The following HS2ST1 variants were observed in gnomAD, a reference collection of about 807,000 sequenced individuals.
HS2ST1 encodes 2-O-sulfotransferase.
HS2ST1 carries 18 observed loss-of-function variants against 42.9 expected under a neutral mutation model. The observed-to-expected ratio is 0.42, with a 90% CI of 0.29 to 0.62. HS2ST1 has a LOEUF of 0.62. HS2ST1 is among the 20% of genes least tolerant of loss of function. HS2ST1 has a pLI of 0.21. For synonymous variants in HS2ST1, 146 were observed against 152.9 expected, an observed-to-expected ratio of 0.95 and a Z score of 0.33; for missense variants, 334 against 433.8, an observed-to-expected ratio of 0.77 and a Z score of 2.04.
At chr1:86,984,604 G>T (rs1648700967) in intron 1 of HS2ST1, among the ~76,000 whole-genome samples, 1 of 152,156 alleles carries the variant, frequency 6.6e-6, no homozygotes, top group Non-Finnish European at 1.5e-5. Context: ...GAAATGTAAG[G>T]CTGGATGCAG....
intron 1 of HS2ST1, among the ~76,000 whole-genome samples, chr1:87,064,237 T>G (rs952599000): frequency 6.6e-6 from 1 of 152,226 alleles, no homozygotes; most frequent in Non-Finnish European, 1.5e-5. Context: ...TACCTGTTTC[T>G]AGATTGCCAG....
chr1:87,090,571 AAG>A (rs1416640946), intron 3 of HS2ST1, among the ~76,000 whole-genome samples: 1 of 151,992 alleles, frequency 6.6e-6, no homozygotes, highest in Non-Finnish European at 1.5e-5. Context: ...AGTCATCAGG[AAG>A]AGAGGTCACA....
At chr1:87,044,640 C>G (rs925454758) in intron 1 of HS2ST1, among the ~76,000 whole-genome samples, 1 of 152,060 alleles carries the variant, frequency 6.6e-6, no homozygotes, top group Admixed American at 6.6e-5. Flanking sequence ...TTAATGATAC[C>G]TAAGGGTATT....
chr1:87,094,345 A>T (rs765430698), intron 4 of HS2ST1, among the ~76,000 whole-genome samples: 7 of 152,048 alleles, frequency 4.6e-5, no homozygotes, highest in Non-Finnish European at 1.0e-4. Context: ...AACTAATAAT[A>T]ATTATTAACA....
At chr1:87,052,636 G>A (rs1413708767) in intron 1 of HS2ST1, among the ~76,000 whole-genome samples, 2 of 152,142 alleles carry the variant, frequency 1.3e-5, no homozygotes, top group African/African-American at 4.8e-5. Flanking sequence ...GGTTGGTGGC[G>A]AGCAGTGAGG....
intron 1 of HS2ST1, among the ~76,000 whole-genome samples, chr1:86,917,436 T>G (rs2102149134): frequency 6.6e-6 from 1 of 152,020 alleles, no homozygotes; most frequent in Non-Finnish European, 1.5e-5. Context: ...TGAGAACCGC[T>G]TGAACCTGGG....
chr1:86,974,428 C>G (rs1339695676), intron 1 of HS2ST1, among the ~76,000 whole-genome samples: 1 of 152,176 alleles, frequency 6.6e-6, no homozygotes, highest in Non-Finnish European at 1.5e-5. Flanking sequence ...TTGGCTGTTT[C>G]TGAGTTGCAT....
rs1165649965 is a variant in HS2ST1 at position 87,106,051 on chromosome 1, T to G, written c.*1355T>G. The G allele has an allele frequency of 6.6e-6, 1 of 152,472 alleles. No homozygotes were observed. The highest frequency in any genetic ancestry group is 1.5e-5 in the Non-Finnish European group (1 of 67,942). 9.4% of individuals were successfully genotyped at this position (152,472 alleles called of 1,614,324 possible). On this transcript the variant is annotated 3_prime_UTR_variant, in exon 7 of 7. Coordinates refer to ENST00000370550, the MANE Select transcript of HS2ST1 (RefSeq NM_012262.4). ...GGGCTGTTGTGAGGATTAAATGAGA[T>G]GGCATGTGAAAGCACTTTGAAAATT...
intron 1 of HS2ST1, among the ~76,000 whole-genome samples, chr1:87,048,992 A>G (rs1224691408): frequency 6.6e-6 from 1 of 151,886 alleles, no homozygotes; most frequent in African/African-American, 2.4e-5. Context: ...TATTTTTGGT[A>G]TTGGTATTTT....
intron 1 of HS2ST1, among the ~76,000 whole-genome samples, chr1:86,953,274 T>C (rs1647576093): frequency 6.6e-6 from 1 of 152,242 alleles, no homozygotes; most frequent in African/African-American, 2.4e-5. Context: ...GTGGCCAGTT[T>C]GATCTATCAA....
At chr1:86,988,747 A>G (rs140273043) in intron 1 of HS2ST1, among the ~76,000 whole-genome samples, 10 of 152,310 alleles carry the variant, frequency 6.6e-5, no homozygotes, top group South Asian at 2.1e-4. Context: ...CGTTACATCA[A>G]TCTATTCAAA....
intron 1 of HS2ST1, among the ~76,000 whole-genome samples, chr1:87,020,353 T>C (rs1649907678): frequency 6.6e-6 from 1 of 152,194 alleles, no homozygotes. Flanking sequence ...ATCTTTCATG[T>C]CTGATCAGCT....
intron 1 of HS2ST1, among the ~76,000 whole-genome samples, chr1:86,982,640 G>C (rs901918943): frequency 1.3e-5 from 2 of 151,850 alleles, no homozygotes; most frequent in South Asian, 4.2e-4. Context: ...TCAGCCTCCC[G>C]AGTAGCTGGG....
At chr1:86,918,281 C>A (rs1000123775) in intron 1 of HS2ST1, among the ~76,000 whole-genome samples, 1 of 151,862 alleles carries the variant, frequency 6.6e-6, no homozygotes, top group Non-Finnish European at 1.5e-5. Flanking sequence ...GCATTGTAGT[C>A]CACATATTAC....
intron 1 of HS2ST1, among the ~76,000 whole-genome samples, chr1:86,955,328 G>C (rs1647646250): frequency 6.6e-6 from 1 of 152,164 alleles, no homozygotes; most frequent in African/African-American, 2.4e-5. Flanking sequence ...ATTAGCACCT[G>C]GCAGTGGCAT....
chr1:86,985,541 CACACATAT>C (rs1648755938), intron 1 of HS2ST1, among the ~76,000 whole-genome samples: 1 of 51,174 alleles, frequency 2.0e-5, no homozygotes, highest in Admixed American at 2.7e-4. Context: ...CATATATATA[CACACATAT>C]ATATACACAC....
chr1:87,030,350 TAGTC>T (rs1382959372), intron 1 of HS2ST1, among the ~76,000 whole-genome samples: 10 of 152,080 alleles, frequency 6.6e-5, no homozygotes, highest in African/African-American at 2.4e-4. Context: ...GTGTAAAAAT[TAGTC>T]AGGTGTGGTG....
At chr1:87,047,602 GA>G (rs1650717770) in intron 1 of HS2ST1, among the ~76,000 whole-genome samples, 1 of 152,118 alleles carries the variant, frequency 6.6e-6, no homozygotes, top group South Asian at 2.1e-4. Flanking sequence ...GAAGAATGAA[GA>G]AAGAATGAAG....
intron 2 of HS2ST1, among the ~76,000 whole-genome samples, chr1:87,076,317 C>G (rs1419313626): frequency 6.6e-6 from 1 of 152,040 alleles, no homozygotes; most frequent in Non-Finnish European, 1.5e-5. Context: ...ATAGTACATG[C>G]TGAGGTAATT....
Sources: gnomAD v4.1 joint callset for allele counts (sites outside exome capture counted in the v4.1 genomes callset) on GRCh38, gnomAD v4.1.1 for gene constraint, MANE v1.5 for transcripts, NCBI Gene and HGNC (gene_info 2026-07-23, HGNC 2026-07-21) for gene names.